FOXB1: variants seen among roughly 807,000 people sequenced by gnomAD.
The protein encoded by FOXB1 is forkhead box B1.
A neutral mutation model predicts 18.6 loss-of-function variants in FOXB1; 6 were observed. That is an observed-to-expected ratio of 0.32 (90% CI 0.18 to 0.64). The LOEUF (loss-of-function observed/expected upper bound fraction) is 0.64. Among genes scored for constraint, FOXB1 ranks in the 30% least tolerant of loss-of-function variants. FOXB1 has a pLI of 0.78. For synonymous variants in FOXB1, 213 were observed against 216.0 expected (o/e 0.99, Z 0.12); for missense variants, 419 against 463.6 (o/e 0.90, Z 0.88).
Position 60,005,851 on chromosome 15 carries a change from G to T in FOXB1, c.888G>T (p.Ser296=), listed in dbSNP as rs758975065. ...NSPPSLSPTS[S]QTATSQSSPA... is the part of the protein sequence containing the mutation. ...CGCCCTCGCTCAGCCCCACGTCCTC[G>T]CAAACAGCCACCAGCCAAAGCAGCC... The change falls in exon 2 of 2, where the codon TCG becomes TCT. Residue 296 remains serine (S), a synonymous_variant. Transcript: ENST00000396057. The surrounding 1 kb of genome is among the most constrained non-coding windows in gnomAD (Gnocchi z 9.8). The T allele has an allele frequency of 2.6e-5, 42 of 1,600,724 alleles. No homozygotes were observed. In the East Asian group the frequency reaches 9.1e-4, roughly 35 times the overall value.
At position 60,007,375 on chromosome 15, in the gene FOXB1, A is replaced by T. The variant is rs1362529672; in HGVS notation, c.*1434A>T. The T allele has an allele frequency of 1.3e-5, 2 of 152,236 alleles. No individual in the cohort carries two copies. Among genetic ancestry groups the T allele is most frequent in the Non-Finnish European group, 2.9e-5 (2 of 68,038 alleles). 9.4% of individuals were successfully genotyped at this position (152,236 alleles called of 1,614,324 possible). A position where few individuals can be genotyped will look rare whatever the true frequency, so the allele number is the denominator to read the frequency against. ...TGTTTTAAAACAAAGGATTTAAAAA[A>T]AAAGGGTGTCTACATTAAATTATGA... On this transcript the variant is annotated 3_prime_UTR_variant, in exon 2 of 2. Transcript: ENST00000396057.
At position 60,006,060 on chromosome 15, in the gene FOXB1, C is replaced by T; in HGVS notation, c.*119C>T. 7.9e-7 allele frequency: 1 copy of T among 1,264,346 alleles called. No individual in the cohort carries two copies. The highest frequency in any genetic ancestry group is 1.1e-6 in the Non-Finnish European group (1 of 945,864). 78.3% of individuals were successfully genotyped at this position (1,264,346 alleles called of 1,614,324 possible). On this transcript the variant is annotated 3_prime_UTR_variant, in exon 2 of 2. Coordinates refer to ENST00000396057, the MANE Select transcript of FOXB1 (RefSeq NM_012182.3). ...CACCCTAACTTGTTCATTTCACCTT[C>T]GGCCAACCCGCCTTGCCCCAAGAGA...
At position 60,004,925 on chromosome 15, in the gene FOXB1, C is replaced by T. The variant is rs1892072417; in HGVS notation, c.-39C>T. ...TTCCCAGATCCGAGCAGTCCGCCGG[C>T]CCGCGCGGACCCAGAGCAAGAAGAG... is the stretch of plus-strand genomic sequence containing the variant. On this transcript the variant is annotated 5_prime_UTR_variant, in exon 2 of 2. Coordinates refer to ENST00000396057, the MANE Select transcript of FOXB1 (RefSeq NM_012182.3). 1 of 1,580,632 alleles carries T rather than the reference C, an allele frequency of 6.3e-7. No homozygotes were observed. The highest frequency in any genetic ancestry group is 8.6e-7 in the Non-Finnish European group (1 of 1,163,536).
Position 60,004,907 on chromosome 15 carries a change from A to G in FOXB1, c.-57A>G. On this transcript the variant is annotated splice_region_variant and 5_prime_UTR_variant, in exon 2 of 2. Transcript: ENST00000396057. ...TCCCTATTACCCACCCCCTTCCCAG[A>G]TCCGAGCAGTCCGCCGGCCCGCGCG... is the stretch of plus-strand genomic sequence containing the variant. 1.9e-6 allele frequency: 3 copies of G among 1,554,274 alleles called. No homozygotes were observed. The highest frequency in any genetic ancestry group is 2.6e-6 in the Non-Finnish European group (3 of 1,150,384).
Position 60,005,750 on chromosome 15 carries a change from A to C in FOXB1, c.787A>C (p.Ile263Leu). ...AACGCTGCCCGCCATCCCCGTGCCC[A>C]TTAAGCCCACGCCGGCCGCCGTGCC... ...GQTLPAIPVP[I>L]KPTPAAVPAL... The change falls in exon 2 of 2, where the codon ATT becomes CTT. Residue 263 changes from isoleucine to leucine, a missense_variant. This residue lies in a region of FOXB1 where 195 missense variants were observed against 179.8 expected (regional missense o/e 1.08). Transcript: ENST00000396057. The surrounding 1 kb of genome is among the most constrained non-coding windows in gnomAD (Gnocchi z 9.8). The C allele has an allele frequency of 6.2e-7, 1 of 1,602,462 alleles. No individual in the cohort carries two copies. The highest frequency in any genetic ancestry group is 8.5e-7 in the Non-Finnish European group (1 of 1,177,874).
chr15:60,005,748 C>T lies in FOXB1; in HGVS notation c.785C>T (p.Pro262Leu). ...AGQTLPAIPV[P>L]IKPTPAAVPA... ...CAAACGCTGCCCGCCATCCCCGTGCCCATTAAGCCCACGCCGGCCGCCGTG... is the reference window on the plus strand; with the variant it reads ...CAAACGCTGCCCGCCATCCCCGTGCTCATTAAGCCCACGCCGGCCGCCGTG... The change falls in exon 2 of 2, where the codon CCC (proline) becomes CTC (leucine). Residue 262 changes from proline to leucine, a missense_variant. By Grantham distance (98) the Pro-to-Leu change is moderately conservative. Around this residue, in one of 3 missense-constraint regions of FOXB1, gnomAD observed 195 missense variants for 179.8 expected, o/e 1.08. Transcript: ENST00000396057. This position sits in a 1 kb window ranked among gnomAD's most constrained non-coding sequence, Gnocchi z 9.8. 2 of 1,602,202 alleles carry T rather than the reference C, an allele frequency of 1.2e-6. No homozygotes were observed. Among genetic ancestry groups the T allele is most frequent in the Non-Finnish European group, 1.7e-6 (2 of 1,177,744 alleles).
In FOXB1 at chr15:60,005,404, G is replaced by A. The variant is rs1240222844; in HGVS notation, c.441G>A (p.Leu147=). The part of the protein sequence containing the change: ...LSALAASGTH[L]PQMPAAAYNL... Reference sequence around the variant, plus strand: ...CGCTGGCGGCCTCGGGCACGCACCTGCCACAGATGCCCGCCGCCGCCTACA... The same window carrying A: ...CGCTGGCGGCCTCGGGCACGCACCTACCACAGATGCCCGCCGCCGCCTACA... Residue 147 remains leucine, a synonymous_variant, in exon 2 of 2, where the codon CTG becomes CTA. Coordinates refer to ENST00000396057, the MANE Select transcript of FOXB1 (RefSeq NM_012182.3). This position sits in a 1 kb window ranked among gnomAD's most constrained non-coding sequence, Gnocchi z 9.8. 3.1e-6 allele frequency: 5 copies of A among 1,606,012 alleles called. No individual in the cohort carries two copies. The highest frequency in any genetic ancestry group is 4.2e-6 in the Non-Finnish European group (5 of 1,177,258).
Position 60,006,079 on chromosome 15 carries a change from C to T in FOXB1, c.*138C>T. On this transcript the variant is annotated 3_prime_UTR_variant, in exon 2 of 2. Coordinates refer to ENST00000396057, the MANE Select transcript of FOXB1 (RefSeq NM_012182.3). Reference sequence around the variant, plus strand: ...CACCTTCGGCCAACCCGCCTTGCCCCAAGAGAACTTTGTTTTGGACCCAGG... The same window carrying T: ...CACCTTCGGCCAACCCGCCTTGCCCTAAGAGAACTTTGTTTTGGACCCAGG... The T allele has an allele frequency of 8.7e-7, 1 of 1,155,808 alleles. No individual in the cohort carries two copies. Among genetic ancestry groups the T allele is most frequent in the Non-Finnish European group, 1.2e-6 (1 of 848,726 alleles). 71.6% of individuals were successfully genotyped at this position (1,155,808 alleles called of 1,614,324 possible). A position where few individuals can be genotyped will look rare whatever the true frequency, so the allele number is the denominator to read the frequency against.
chr15:60,004,702 C>G, intron 1 of FOXB1, 59 bp downstream of exon 1: 1 of 541,614 alleles, frequency 1.8e-6, no homozygotes, highest in Non-Finnish European at 3.3e-6. Flanking sequence ...CGACTTACTT[C>G]CCGGCTATCC....
rs941027720 is a variant in FOXB1, at chr15:60,007,013, A to G, written c.*1072A>G. 1.3e-5 allele frequency: 2 copies of G among 152,150 alleles called. No individual in the cohort carries two copies. The highest frequency in any genetic ancestry group is 2.9e-5 in the Non-Finnish European group (2 of 68,030). The allele number at this position is 152,150 out of a possible 1,614,324, so 9.4% of individuals were successfully genotyped here. A position where few individuals can be genotyped will look rare whatever the true frequency, so the allele number is the denominator to read the frequency against. On this transcript the variant is annotated 3_prime_UTR_variant, in exon 2 of 2. Transcript: ENST00000396057. ...AAGAACTTAGATAAGCTGACTGGTA[A>G]CATGAAGGGATGTCACCGGATAGCT...
intron 1 of FOXB1, 102 bp from the exon 2 acceptor site, chr15:60,004,805 G>GCCCCACC: frequency 5.3e-5 from 19 of 356,150 alleles, no homozygotes; most frequent in Admixed American, 1.8e-4. Flanking sequence ...AGCGCCGCAG[G>GCCCCACC]CCCCACCCCC....
In FOXB1 at chr15:60,005,259, A is replaced by T; in HGVS notation, c.296A>T (p.Asn99Ile). Reference sequence around the variant, plus strand: ...CCAAGCTGCGGGGACATGTTCGAGAACGGCAGCTTCCTGCGGCGCCGCAAG... The same window carrying T: ...CCAAGCTGCGGGGACATGTTCGAGATCGGCAGCTTCCTGCGGCGCCGCAAG... Reference protein sequence around the residue: ...LHPSCGDMFENGSFLRRRKRF... With the variant: ...LHPSCGDMFEIGSFLRRRKRF... Residue 99 changes from asparagine to isoleucine, a missense_variant, in exon 2 of 2, where the codon AAC (asparagine) becomes ATC (isoleucine). By Grantham distance (149) the Asn-to-Ile change is moderately radical. Around this residue, in one of 3 missense-constraint regions of FOXB1, gnomAD observed 153 missense variants for 173.8 expected, o/e 0.88. Coordinates refer to ENST00000396057, the MANE Select transcript of FOXB1 (RefSeq NM_012182.3). This position sits in a 1 kb window ranked among gnomAD's most constrained non-coding sequence, Gnocchi z 9.8. 1 of 1,613,944 alleles carries T rather than the reference A, an allele frequency of 6.2e-7. No homozygotes were observed.
At chr15:60,004,843 G>A in intron 1 of FOXB1, 64 bp from the exon 2 acceptor site, 1 of 966,174 alleles carries the variant, frequency 1.0e-6, no homozygotes, top group Non-Finnish European at 1.5e-6. Flanking sequence ...ACTCGGTCTG[G>A]CTGACCCCGC....
chr15:60,005,932 G>A lies in FOXB1; in HGVS notation c.969G>A (p.Ala323=), dbSNP rs957170682. 6.3e-6 allele frequency: 10 copies of A among 1,585,330 alleles called. No homozygotes were observed. Among genetic ancestry groups the A allele is most frequent in the Admixed American group, 1.7e-5 (1 of 58,744 alleles). ...CGGCCTCCGCCTTGCACTCGGTGGC[G>A]GTGCACTGACCCGCAGGAGCCCACG... The part of the protein sequence containing the change: ...TSPASALHSV[A]VH Residue 323 remains alanine, a synonymous_variant, in exon 2 of 2, where the codon GCG becomes GCA. Coordinates refer to ENST00000396057, the MANE Select transcript of FOXB1 (RefSeq NM_012182.3). This position sits in a 1 kb window ranked among gnomAD's most constrained non-coding sequence, Gnocchi z 9.8.
Position 60,005,546 on chromosome 15 carries a change from C to A in FOXB1, c.583C>A (p.Pro195Thr), listed in dbSNP as rs756678260. The change falls in exon 2 of 2, where the codon CCC becomes ACC. Residue 195 changes from proline to threonine, a missense_variant. Pro to Thr is a conservative substitution (Grantham distance 38, BLOSUM62 -1). Transcript: ENST00000396057. The surrounding 1 kb of genome is among the most constrained non-coding windows in gnomAD (Gnocchi z 9.8). ...GGCCTTCTCCGCCATGCAGCCGGTG[C>A]CCGCTGCCTACCCGCTCCCCAACCA... ...GLAFSAMQPV[P>T]AAYPLPNQLT... 6.2e-7 allele frequency: 1 copy of A among 1,609,498 alleles called. No individual in the cohort carries two copies. Among genetic ancestry groups the A allele is most frequent in the Admixed American group, 1.7e-5 (1 of 59,680 alleles).
rs1441599044 is a variant in FOXB1, at chr15:60,005,634, T to A, written c.671T>A (p.Met224Lys). The change falls in exon 2 of 2, where the codon ATG becomes AAG. Residue 224 changes from methionine (M) to lysine (K), a missense_variant. Around this residue, in one of 3 missense-constraint regions of FOXB1, gnomAD observed 195 missense variants for 179.8 expected, o/e 1.08. Transcript: ENST00000396057. The surrounding 1 kb of genome is among the most constrained non-coding windows in gnomAD (Gnocchi z 9.8). ...CCACACGTGTATGGCTCCGCCGGCA[T>A]GATCGACTCGGCCACCCCCATCTCC... Reference protein sequence around the residue: ...GWPHVYGSAGMIDSATPISMA... With the variant: ...GWPHVYGSAGKIDSATPISMA... 6.2e-7 allele frequency: 1 copy of A among 1,608,816 alleles called. No individual in the cohort carries two copies. Among genetic ancestry groups the A allele is most frequent in the Middle Eastern group, 1.7e-4 (1 of 6,028 alleles).
chr15:60,007,267 T>TA lies in FOXB1; in HGVS notation c.*1330dup, dbSNP rs1450456893. On this transcript the variant is annotated 3_prime_UTR_variant, in exon 2 of 2. Coordinates refer to ENST00000396057, the MANE Select transcript of FOXB1 (RefSeq NM_012182.3). The stretch of plus-strand genomic sequence containing the variant: ...AAAAGTTGTAGTGTCATCAGAGCTG[T>TA]AAAATTTTTACCTTTCATTTTCCCT... The TA allele has an allele frequency of 6.6e-6, 1 of 152,070 alleles. No individual in the cohort carries two copies. Among genetic ancestry groups the TA allele is most frequent in the Non-Finnish European group, 1.5e-5 (1 of 68,008 alleles). The allele number at this position is 152,070 out of a possible 1,614,324, so 9.4% of individuals were successfully genotyped here. A position where few individuals can be genotyped will look rare whatever the true frequency, so the allele number is the denominator to read the frequency against.
In FOXB1 at chr15:60,005,196, C is replaced by A. The variant is rs1410183503; in HGVS notation, c.233C>A (p.Pro78Gln). 1 of 1,614,220 alleles carries A rather than the reference C, an allele frequency of 6.2e-7. No homozygotes were observed. Among genetic ancestry groups the A allele is most frequent in the African/African-American group, 1.3e-5 (1 of 75,072 alleles). Residue 78 changes from proline to glutamine, a missense_variant, in exon 2 of 2, where the codon CCG becomes CAG. Transcript: ENST00000396057. This position sits in a 1 kb window ranked among gnomAD's most constrained non-coding sequence, Gnocchi z 9.8. ...TGCTTCATCAAGATCCCGCGGCGGCCGGACCAGCCAGGCAAGGGCAGCTTC... is the reference window on the plus strand; with the variant it reads ...TGCTTCATCAAGATCCCGCGGCGGCAGGACCAGCCAGGCAAGGGCAGCTTC... ...NDCFIKIPRR[P>Q]DQPGKGSFWA...
In FOXB1 at chr15:60,005,734, C is replaced by T. The variant is rs1377327036; in HGVS notation, c.771C>T (p.Pro257=). 3.7e-5 allele frequency: 59 copies of T among 1,602,212 alleles called. No individual in the cohort carries two copies. The highest frequency in any genetic ancestry group is 4.8e-5 in the Non-Finnish European group (56 of 1,178,006). Residue 257 remains proline, a synonymous_variant, in exon 2 of 2, where the codon CCC becomes CCT. Transcript: ENST00000396057. The surrounding 1 kb of genome is among the most constrained non-coding windows in gnomAD (Gnocchi z 9.8). ...GCCACGCGGCGGGCCAAACGCTGCC[C>T]GCCATCCCCGTGCCCATTAAGCCCA... The part of the protein sequence containing the change: ...PLCHAAGQTL[P]AIPVPIKPTP...
Sources: allele counts gnomAD v4.1 joint callset, GRCh38; gene constraint gnomAD v4.1.1; regional missense constraint gnomAD v4.1.1; non-coding constraint Gnocchi (gnomAD v3.1); transcripts MANE v1.5; gene names NCBI Gene and HGNC (gene_info 2026-07-23, HGNC 2026-07-21).